MTFR1: variants seen among roughly 807,000 people sequenced by gnomAD.
MTFR1 encodes the protein mitochondrial fission regulator 1, also known as chondrocyte protein with a poly-proline region.
MTFR1 carries 28 observed loss-of-function variants against 38.8 expected under a neutral mutation model. The observed-to-expected ratio is 0.72, with a 90% CI of 0.53 to 0.99. The LOEUF (loss-of-function observed/expected upper bound fraction) is 0.99. Among genes scored for constraint, MTFR1 ranks in the 50% least tolerant of loss-of-function variants. MTFR1 has a pLI of 0.00. For synonymous variants in MTFR1, 145 were observed against 137.0 expected (o/e 1.06, Z -0.41); for missense variants, 358 against 395.5 (o/e 0.91, Z 0.81).
intron 1 of MTFR1, among the ~76,000 whole-genome samples, chr8:65,658,785 T>C (rs1809334470): frequency 6.6e-6 from 1 of 152,104 alleles, no homozygotes; most frequent in South Asian, 2.1e-4. Context: ...CAAATATCCA[T>C]GTAATGACCA....
At chr8:65,683,206 A>C (rs1585774446) in intron 3 of MTFR1, among the ~76,000 whole-genome samples, 1 of 141,412 alleles carries the variant, frequency 7.1e-6, no homozygotes, top group African/African-American at 2.7e-5. Flanking sequence ...ATCTCAGCTC[A>C]CTGCAATCTC....
chr8:65,703,752 T>C (rs1449899987), intron 4 of MTFR1, among the ~76,000 whole-genome samples: 2 of 152,108 alleles, frequency 1.3e-5, no homozygotes, highest in Non-Finnish European at 2.9e-5. Context: ...TATTTTTGTT[T>C]TTGTATTTGT....
rs1491537303 is a variant in MTFR1 at position 65,710,467 on chromosome 8, A to ATATT, written c.*1425_*1428dup. ...AAACGTATTTTGACCTAAAAGAAAC[A>ATATT]TATTTTTGTATCAGTATTGAATTTT... is the stretch of plus-strand genomic sequence containing the variant. On this transcript the variant is annotated 3_prime_UTR_variant, in exon 8 of 8. Transcript: ENST00000262146. 1 of 152,646 alleles carries ATATT rather than the reference A, an allele frequency of 6.6e-6. No homozygotes were observed. Among genetic ancestry groups the ATATT allele is most frequent in the Non-Finnish European group, 1.5e-5 (1 of 68,036 alleles). The allele number at this position is 152,646 out of a possible 1,614,324, so 9.5% of individuals were successfully genotyped here.
At chr8:65,710,990 T>TATATAGAG (rs920287067), downstream of MTFR1, among the ~76,000 whole-genome samples, 1 of 150,754 alleles carries the variant, frequency 6.6e-6, no homozygotes, top group Non-Finnish European at 1.5e-5. Flanking sequence ...TATATATATA[T>TATATAGAG]AGAGAGAGAG....
chr8:65,730,168 C>CTTTTTTTTTTTTTTTTTT (rs1563473710), intron 3 of MTFR1, among the ~76,000 whole-genome samples: 2 of 31,670 alleles, frequency 6.3e-5, no homozygotes, highest in Non-Finnish European at 1.2e-4. Context: ...AGGTTGCGCA[C>CTTTTTTTTTTTTTTTTTT]TTCTTTTTTT....
intron 3 of MTFR1, among the ~76,000 whole-genome samples, chr8:65,751,472 G>C (rs909188157): frequency 5.9e-5 from 9 of 151,892 alleles, no homozygotes; most frequent in African/African-American, 1.7e-4. Context: ...TATCCTTCCT[G>C]AGGTTTTTTT....
rs1041276561 is a variant in MTFR1 at position 65,644,754 on chromosome 8, C to G, written c.-111C>G. The stretch of plus-strand genomic sequence containing the variant: ...CAGCCAAGCTAGAAGCCTGAGGAGC[C>G]GGAGAGGGTGCTGGCTGCCGCGCGG... On this transcript the variant is annotated 5_prime_UTR_variant, in exon 1 of 8. Coordinates refer to ENST00000262146, the MANE Select transcript of MTFR1 (RefSeq NM_014637.4). The G allele has an allele frequency of 1.3e-5, 2 of 152,504 alleles. No homozygotes were observed. The highest frequency in any genetic ancestry group is 2.4e-5 in the African/African-American group (1 of 41,464). The allele number at this position is 152,504 out of a possible 1,614,324, so 9.4% of individuals were successfully genotyped here.
At chr8:65,761,931 A>G (rs1330718279) in intron 3 of MTFR1, among the ~76,000 whole-genome samples, 1 of 152,108 alleles carries the variant, frequency 6.6e-6, no homozygotes, top group Non-Finnish European at 1.5e-5. Flanking sequence ...CCCAAATCGC[A>G]TGTTTTCCCA....
At chr8:65,764,108 T>C (rs919431571) in intron 3 of MTFR1, among the ~76,000 whole-genome samples, 1 of 152,170 alleles carries the variant, frequency 6.6e-6, no homozygotes, top group Non-Finnish European at 1.5e-5. Context: ...AGTACAGCAG[T>C]GCTAATCTCT....
In MTFR1 at chr8:65,716,520, G is replaced by T. The variant is rs1165888599; in HGVS notation, c.382-2860G>T. Among the ~76,000 whole-genome samples the T allele has an allele frequency of 4.6e-5, 7 of 152,184 alleles. No individual in the cohort carries two copies. In the East Asian group the frequency reaches 9.7e-4, roughly 21 times the overall value. On this transcript the variant is annotated intron_variant, in intron 2 of 3. Coordinates refer to the MTFR1 transcript ENST00000521247. ...CTGGTCCACAAACATGAATATCACA[G>T]AAGACATGGGTCTTCTGTGCACCCA...
intron 1 of MTFR1, among the ~76,000 whole-genome samples, chr8:65,669,582 C>T (rs928291808): frequency 4.6e-4 from 70 of 150,924 alleles, no homozygotes; most frequent in African/African-American, 1.5e-3. Context: ...GACAGAGTCT[C>T]GCTCTGTCAC....
intron 2 of MTFR1, among the ~76,000 whole-genome samples, chr8:65,681,672 T>G (rs1339832284): frequency 1.1e-5 from 1 of 90,858 alleles, no homozygotes; most frequent in Non-Finnish European, 2.3e-5. Flanking sequence ...GTTGTTTTTG[T>G]TTTTTTTTTT....
intron 1 of MTFR1, among the ~76,000 whole-genome samples, chr8:65,669,587 T>G (rs1420541293): frequency 2.6e-5 from 4 of 151,928 alleles, no homozygotes; most frequent in Admixed American, 6.6e-5. Flanking sequence ...AGTCTCGCTC[T>G]GTCACCCAGG....
chr8:65,655,970 C>CTATATATATATAT (rs1809252480), intron 1 of MTFR1, among the ~76,000 whole-genome samples: 4 of 53,622 alleles, frequency 7.5e-5, no homozygotes, highest in African/African-American at 4.1e-4. Context: ...ATATATATAC[C>CTATATATATATAT]ATATATATAT....
At chr8:65,647,469 G>A (rs936909319) in intron 1 of MTFR1, among the ~76,000 whole-genome samples, 2 of 152,100 alleles carry the variant, frequency 1.3e-5, no homozygotes, top group African/African-American at 2.4e-5. Context: ...AGGCCACCAC[G>A]CCCAGCTAAT....
At chr8:65,650,392 T>C (rs1309078141) in intron 1 of MTFR1, among the ~76,000 whole-genome samples, 1 of 151,990 alleles carries the variant, frequency 6.6e-6, no homozygotes, top group Non-Finnish European at 1.5e-5. Context: ...CAGGCTGATG[T>C]TGAACTCCTG....
chr8:65,739,096 A>G (rs1161918989), intron 3 of MTFR1, among the ~76,000 whole-genome samples: 2 of 152,238 alleles, frequency 1.3e-5, no homozygotes, highest in African/African-American at 4.8e-5. Context: ...ACCTGCCACT[A>G]CTGTTTGAAC....
chr8:65,778,313 T>C, the MTFR1 span, among the ~76,000 whole-genome samples: 2 of 152,176 alleles, frequency 1.3e-5, no homozygotes, highest in East Asian at 1.9e-4. Flanking sequence ...ACCCTAAGAC[T>C]TCCCTGAGAC....
At chr8:65,676,336 C>T (rs1454084919) in intron 2 of MTFR1, among the ~76,000 whole-genome samples, 3 of 152,140 alleles carry the variant, frequency 2.0e-5, no homozygotes, top group Admixed American at 6.6e-5. Flanking sequence ...ATTAATATCA[C>T]ATAGCTTGTC....
Sources: allele counts gnomAD v4.1 joint callset (sites outside exome capture counted in the v4.1 genomes callset), GRCh38; gene constraint gnomAD v4.1.1; transcripts MANE v1.5; gene names NCBI Gene and HGNC (gene_info 2026-07-23, HGNC 2026-07-21).